AHCYL2: variants seen among roughly 807,000 people sequenced by gnomAD.
AHCYL2 encodes the protein adenosylhomocysteinase like 2.
A neutral mutation model predicts 81.4 loss-of-function variants in AHCYL2; 28 were observed. The observed-to-expected ratio is 0.34, with a 90% CI of 0.25 to 0.47. The LOEUF (loss-of-function observed/expected upper bound fraction) is 0.47. AHCYL2 is among the 20% of genes least tolerant of loss of function. AHCYL2 has a pLI of 1.00. For synonymous variants in AHCYL2, 272 were observed against 290.2 expected, an observed-to-expected ratio of 0.94 and a Z score of 0.64; for missense variants, 551 against 785.1, an observed-to-expected ratio of 0.70 and a Z score of 3.56.
chr7:129,238,753 C>G (rs1247414039), intron 1 of AHCYL2, among the ~76,000 whole-genome samples: 4 of 152,152 alleles, frequency 2.6e-5, no homozygotes, highest in African/African-American at 9.7e-5. Flanking sequence ...GAGTTTGAAA[C>G]TAGCTTGACC....
chr7:129,235,029 C>T (rs1257981766), intron 1 of AHCYL2, among the ~76,000 whole-genome samples: 1 of 152,198 alleles, frequency 6.6e-6, no homozygotes, highest in Non-Finnish European at 1.5e-5. Context: ...TTAACTCACT[C>T]CTGCTATAAT....
intron 1 of AHCYL2, among the ~76,000 whole-genome samples, chr7:129,374,404 A>G (rs1392291502): frequency 1.3e-5 from 2 of 152,148 alleles, no homozygotes; most frequent in Admixed American, 1.3e-4. Context: ...TAACATATAC[A>G]CAGAACTGTG....
At chr7:129,264,834 C>G (rs1795762232) in intron 1 of AHCYL2, among the ~76,000 whole-genome samples, 1 of 152,206 alleles carries the variant, frequency 6.6e-6, no homozygotes, top group South Asian at 2.1e-4. Context: ...TCCTTACTAG[C>G]AGAACGCTAG....
chr7:129,315,754 T>A (rs1797807380), intron 1 of AHCYL2, among the ~76,000 whole-genome samples: 1 of 152,162 alleles, frequency 6.6e-6, no homozygotes. Context: ...CTTAAAACAG[T>A]TACTCGAAGG....
intron 1 of AHCYL2, among the ~76,000 whole-genome samples, chr7:129,275,011 A>G (rs1375687491): frequency 6.6e-6 from 1 of 152,200 alleles, no homozygotes. Context: ...TTTGTGGCCC[A>G]CAGAATCATG....
In AHCYL2 at chr7:129,425,245, G is replaced by A. The variant is rs547091384; in HGVS notation, c.1708+104G>A. On this transcript the variant is annotated intron_variant, in intron 15 of 16. Transcript: ENST00000325006. ...CTTACTTAAGGATGGGGGAAAAAAG[G>A]TACCTTCATCTTGTAAAGTAGGAAT... is the stretch of plus-strand genomic sequence containing the variant. 62 of 958,020 alleles carry A rather than the reference G, an allele frequency of 6.5e-5. No individual in the cohort carries two copies. The African/African-American group carries it at 8.9e-4, about 14-fold the overall frequency. 59.3% of individuals were successfully genotyped at this position (958,020 alleles called of 1,614,324 possible).
At chr7:129,255,178 T>A (rs187524570) in intron 1 of AHCYL2, among the ~76,000 whole-genome samples, 289 of 152,102 alleles carry the variant, frequency 1.9e-3, no homozygotes, top group African/African-American at 6.5e-3. Context: ...GGAGAATCGC[T>A]TGAACCTGGG....
At chr7:129,360,121 T>A (rs1347224299) in intron 1 of AHCYL2, among the ~76,000 whole-genome samples, 1 of 64,494 alleles carries the variant, frequency 1.6e-5, no homozygotes. Flanking sequence ...TAATTTTAAT[T>A]TTTTTTTTTT....
In AHCYL2 at chr7:129,405,860, G is replaced by A. The variant is rs759028113; in HGVS notation, c.1167G>A (p.Met389Ile). The change falls in exon 9 of 17, where the codon ATG (methionine) becomes ATA (isoleucine). Residue 389 changes from methionine (M) to isoleucine (I), a missense_variant. Met to Ile is a conservative substitution (Grantham distance 10). This residue lies in a region of AHCYL2 where 316 missense variants were observed against 543.1 expected (regional missense o/e 0.58). Transcript: ENST00000325006. ...LDGLKRTTDM[M>I]FGGKQVVVCG... The stretch of plus-strand genomic sequence containing the variant: ...GACTTAAAAGGACAACAGACATGAT[G>A]TTTGGTGGAAAGCAAGTGGTAGTCT... 1.2e-6 allele frequency: 2 copies of A among 1,613,616 alleles called. No homozygotes were observed. Among genetic ancestry groups the A allele is most frequent in the South Asian group, 2.2e-5 (2 of 90,906 alleles).
intron 1 of AHCYL2, among the ~76,000 whole-genome samples, chr7:129,232,563 C>T (rs1344153617): frequency 6.6e-6 from 1 of 152,216 alleles, no homozygotes; most frequent in Non-Finnish European, 1.5e-5. Context: ...ACCCGCCATC[C>T]GCCATCCATT....
intron 12 of AHCYL2, among the ~76,000 whole-genome samples, chr7:129,415,189 G>A (rs1796786104): frequency 6.6e-6 from 1 of 152,116 alleles, no homozygotes; most frequent in South Asian, 2.1e-4. Context: ...AAGGATATTA[G>A]TATTTCTAAA....
At chr7:129,343,493 G>A (rs909163245) in intron 1 of AHCYL2, among the ~76,000 whole-genome samples, 4 of 152,122 alleles carry the variant, frequency 2.6e-5, no homozygotes, top group Non-Finnish European at 5.9e-5. Context: ...GAAAGGGAGA[G>A]GGGGAGCTTA....
At chr7:129,225,765 G>C (rs1032790697) in intron 1 of AHCYL2, among the ~76,000 whole-genome samples, 1 of 152,206 alleles carries the variant, frequency 6.6e-6, no homozygotes, top group Non-Finnish European at 1.5e-5. Context: ...TGATTTTCCA[G>C]CCTATCGGGG....
At chr7:129,343,663 C>T (rs1793264458) in intron 1 of AHCYL2, among the ~76,000 whole-genome samples, 1 of 152,090 alleles carries the variant, frequency 6.6e-6, no homozygotes. Context: ...TGTTTCTGAT[C>T]TCATTCCAAG....
chr7:129,423,987 T>C (rs183006803), intron 13 of AHCYL2, among the ~76,000 whole-genome samples: 9 of 152,092 alleles, frequency 5.9e-5, no homozygotes, highest in Non-Finnish European at 1.5e-5. Context: ...ACCTGGTAAT[T>C]TTGGTGACAA....
rs76112690 is a variant in AHCYL2, at chr7:129,276,813, A to C, written c.363+51374A>C. 3.4e-3 allele frequency among the ~76,000 whole-genome samples: 510 copies of C among 152,136 alleles called. 1 individual carries two copies. Among genetic ancestry groups the C allele is most frequent in the African/African-American group, 0.012 (493 of 41,548 alleles). On this transcript the variant is annotated intron_variant, in intron 1 of 16. Coordinates refer to ENST00000325006, the MANE Select transcript of AHCYL2 (RefSeq NM_015328.4). ...ACAAAAGTTGGTTTTCTAAAAAAAA[A>C]GATTAAAATAAGACAAAGCCCTGCA...
At chr7:129,329,043 A>T (rs1798325770) in intron 1 of AHCYL2, among the ~76,000 whole-genome samples, 1 of 152,240 alleles carries the variant, frequency 6.6e-6, no homozygotes, top group South Asian at 2.1e-4. Flanking sequence ...GCTAGGCCAG[A>T]GGATTGGGTT....
intron 1 of AHCYL2, among the ~76,000 whole-genome samples, chr7:129,290,806 T>C (rs1393351656): frequency 1.3e-5 from 2 of 151,206 alleles, no homozygotes; most frequent in African/African-American, 4.9e-5. Context: ...GGCGGGCGCC[T>C]GTAATCCCAG....
intron 1 of AHCYL2, among the ~76,000 whole-genome samples, chr7:129,234,336 G>A (rs940581688): frequency 1.3e-5 from 2 of 151,920 alleles, no homozygotes; most frequent in Non-Finnish European, 2.9e-5. Context: ...CCTCCGCCTC[G>A]TGAGTTCAAG....
Sources: gnomAD v4.1 joint callset for allele counts (sites outside exome capture counted in the v4.1 genomes callset) on GRCh38, gnomAD v4.1.1 for gene constraint, gnomAD v4.1.1 regional missense constraint, MANE v1.5 for transcripts, NCBI Gene and HGNC (gene_info 2026-07-23, HGNC 2026-07-21) for gene names.